The following PLEKHG5 variants were observed in gnomAD, a reference collection of about 807,000 sequenced individuals.
The protein encoded by PLEKHG5 is pleckstrin homology and RhoGEF domain containing G5.
In PLEKHG5, 52 loss-of-function variants were observed where a neutral mutation model predicts 103.8. The ratio of observed to expected loss-of-function variants is 0.50; its 90% CI spans 0.40 to 0.63. PLEKHG5 has a LOEUF of 0.63. Ranked by LOEUF, PLEKHG5 falls within the 30% of genes least tolerant of loss-of-function variation. PLEKHG5 has a pLI of 0.00. For missense variants in PLEKHG5, 1,205 were observed against 1,347.6 expected, an observed-to-expected ratio of 0.89 and a Z score of 1.66; for synonymous variants, 592 against 575.5, an observed-to-expected ratio of 1.03 and a Z score of -0.41.
At chr1:6,514,793 C>T (rs879424686) in intron 1 of PLEKHG5, among the ~76,000 whole-genome samples, 1 of 149,092 alleles carries the variant, frequency 6.7e-6, no homozygotes, top group Non-Finnish European at 1.5e-5. Flanking sequence ...ATTGGCCAGC[C>T]GCGGTGGCTC....
intron 1 of PLEKHG5, among the ~76,000 whole-genome samples, chr1:6,508,646 G>A (rs1390805300): frequency 2.0e-5 from 3 of 152,364 alleles, no homozygotes; most frequent in South Asian, 2.1e-4. Context: ...GAGCGATGCC[G>A]CTGACAAACA....
At chr1:6,497,690 G>C (rs1260046306), upstream of PLEKHG5, among the ~76,000 whole-genome samples, 1 of 151,994 alleles carries the variant, frequency 6.6e-6, no homozygotes, top group Non-Finnish European at 1.5e-5. The surrounding 1 kb of genome is among the most constrained non-coding windows in gnomAD (Gnocchi z 6.1). Context: ...AATGCAGGCC[G>C]GGAGCCACGC....
intron 1 of PLEKHG5, among the ~76,000 whole-genome samples, chr1:6,518,864 G>C (rs1307392412): frequency 6.6e-6 from 1 of 152,178 alleles, no homozygotes; most frequent in Non-Finnish European, 1.5e-5. Context: ...TTTTGTTTGA[G>C]ACGGAGTCTT....
rs372223589 is a variant in PLEKHG5, at chr1:6,479,075, C to T, written c.-87-1417G>A. On this transcript the variant is annotated intron_variant, in intron 1 of 20. Coordinates refer to ENST00000377728, the MANE Select transcript of PLEKHG5 (RefSeq NM_020631.6). Reference sequence around the variant, plus strand: ...CATTCTCTTCTCGGCACCCCCCTCCCCTGGGGCAGAAATCATGCTGCTGCC... The same window carrying T: ...CATTCTCTTCTCGGCACCCCCCTCCTCTGGGGCAGAAATCATGCTGCTGCC... Among the ~76,000 whole-genome samples, 5 of 152,314 alleles carry T rather than the reference C, an allele frequency of 3.3e-5. No homozygotes were observed. The South Asian group carries it at 6.2e-4, about 19-fold the overall frequency.
intron 1 of PLEKHG5, among the ~76,000 whole-genome samples, chr1:6,489,215 G>A (rs1231630944): frequency 6.6e-6 from 1 of 152,208 alleles, no homozygotes; most frequent in Admixed American, 6.5e-5. Flanking sequence ...GAAATCCAGG[G>A]GTGGAGACTG....
chr1:6,472,592 C>G lies in PLEKHG5; in HGVS notation c.1015G>C (p.Glu339Gln). 1 of 1,613,388 alleles carries G rather than the reference C, an allele frequency of 6.2e-7. No individual in the cohort carries two copies. The highest frequency in any genetic ancestry group is 8.5e-7 in the Non-Finnish European group (1 of 1,179,732). The change falls in exon 10 of 21, where the codon GAG (glutamate) becomes CAG (glutamine). Residue 339 changes from glutamate (E) to glutamine (Q), a missense_variant. Glu to Gln is a conservative substitution (Grantham distance 29). Transcript: ENST00000377728. The part of the protein sequence containing the change: ...KLTRRQCHQQ[E>Q]AVWELLHTEA... Reference sequence around the variant, plus strand: ...GTGTGCAGCAGCTCCCACACCGCCTCCTGCTGGTGGCACTGCCGCCGGGTC... The same window carrying G: ...GTGTGCAGCAGCTCCCACACCGCCTGCTGCTGGTGGCACTGCCGCCGGGTC...
exon 1 of PLEKHG5, chr1:6,519,924 AC>A: frequency 3.2e-6 from 1 of 309,530 alleles, no homozygotes; most frequent in Non-Finnish European, 6.2e-6. Flanking sequence ...GGAAAGCAAC[AC>A]CACAGAGACC....
upstream of PLEKHG5, among the ~76,000 whole-genome samples, chr1:6,492,054 G>A (rs1052545418): frequency 3.9e-5 from 6 of 152,176 alleles, no homozygotes; most frequent in Admixed American, 3.3e-4. Flanking sequence ...TCCTGATCTT[G>A]CCTTGCTTGG....
chr1:6,509,098 G>C (rs1356973538), intron 1 of PLEKHG5, among the ~76,000 whole-genome samples: 1 of 152,254 alleles, frequency 6.6e-6, no homozygotes, highest in Non-Finnish European at 1.5e-5. Flanking sequence ...CTATCTCGGG[G>C]GACTCAGTCC....
chr1:6,494,282 C>G (rs181262999), upstream of PLEKHG5, among the ~76,000 whole-genome samples: 23 of 151,816 alleles, frequency 1.5e-4, no homozygotes, highest in African/African-American at 5.6e-4. Flanking sequence ...AGGCACCCAC[C>G]ACCATGCCCA....
At chr1:6,519,159 G>A (rs1014765988) in intron 1 of PLEKHG5, among the ~76,000 whole-genome samples, 1 of 152,186 alleles carries the variant, frequency 6.6e-6, no homozygotes, top group Non-Finnish European at 1.5e-5. Context: ...GGCATATGGA[G>A]TCTAGGTCTT....
intron 1 of PLEKHG5, among the ~76,000 whole-genome samples, chr1:6,510,895 C>T: frequency 6.6e-6 from 1 of 152,148 alleles, no homozygotes. Context: ...TCGAGACTAG[C>T]CTGGCCAACA....
intron 1 of PLEKHG5, among the ~76,000 whole-genome samples, chr1:6,480,697 G>A (rs1644876266): frequency 6.6e-6 from 1 of 151,138 alleles, no homozygotes; most frequent in African/African-American, 2.4e-5. Flanking sequence ...CACCCAATCT[G>A]GAGTGCAGTG....
chr1:6,519,171 C>A (rs961847291), intron 1 of PLEKHG5, among the ~76,000 whole-genome samples: 1 of 152,208 alleles, frequency 6.6e-6, no homozygotes, highest in African/African-American at 2.4e-5. Context: ...CTAGGTCTTT[C>A]TTCTGTCAGG....
At chr1:6,489,014 G>A (rs1486404072) in intron 1 of PLEKHG5, among the ~76,000 whole-genome samples, 1 of 152,142 alleles carries the variant, frequency 6.6e-6, no homozygotes, top group Non-Finnish European at 1.5e-5. Context: ...GCCTGGTCTG[G>A]GTGGGAGAGG....
chr1:6,495,713 A>G (rs1645215031), upstream of PLEKHG5, among the ~76,000 whole-genome samples: 1 of 152,192 alleles, frequency 6.6e-6, no homozygotes, highest in Non-Finnish European at 1.5e-5. Flanking sequence ...GCATGCTGGG[A>G]GGGGCAAAAC....
chr1:6,470,634 C>T lies in PLEKHG5; in HGVS notation c.1552G>A (p.Val518Met), dbSNP rs377602965. The T allele has an allele frequency of 1.7e-5, 27 of 1,575,754 alleles. No individual in the cohort carries two copies. Among genetic ancestry groups the T allele is most frequent in the Non-Finnish European group, 2.2e-5 (26 of 1,166,614 alleles). ...KEAVVAMIGS[V>M]ERFIHHVNAC... ...TTCACGTGGTGGATGAAGCGCTCCA[C>T]GGAGCCGATCTAGGGGCAGGTGAGG... The change falls in exon 15 of 21, where the codon GTG becomes ATG. Residue 518 changes from valine to methionine, a missense_variant. Coordinates refer to ENST00000377728, the MANE Select transcript of PLEKHG5 (RefSeq NM_020631.6).
chr1:6,510,030 C>A (rs181374731), intron 1 of PLEKHG5, among the ~76,000 whole-genome samples: 9 of 152,180 alleles, frequency 5.9e-5, no homozygotes, highest in Non-Finnish European at 1.3e-4. Flanking sequence ...TCTGAGGAGG[C>A]CTGTCTGGAC....
intron 1 of PLEKHG5, among the ~76,000 whole-genome samples, chr1:6,518,157 C>T (rs930967310): frequency 2.6e-5 from 4 of 151,392 alleles, no homozygotes; most frequent in Non-Finnish European, 5.9e-5. Flanking sequence ...TGGTCTTGAT[C>T]TCCTGACCTT....
Sources: gnomAD v4.1 joint callset for allele counts (sites outside exome capture counted in the v4.1 genomes callset) on GRCh38, gnomAD v4.1.1 for gene constraint, Gnocchi (gnomAD v3.1) non-coding constraint, MANE v1.5 for transcripts, NCBI Gene and HGNC (gene_info 2026-07-23, HGNC 2026-07-21) for gene names.